Variants in SYNJ2 observed in about 807,000 individuals in gnomAD.
SYNJ2 encodes the protein polyphosphatidylinositol phosphatase SYNJ2.
Under a neutral mutation model 141.3 loss-of-function variants are expected in SYNJ2, and 116 were observed. The ratio of observed to expected loss-of-function variants is 0.82; its 90% CI spans 0.71 to 0.96. SYNJ2 has a LOEUF of 0.96. SYNJ2 is among the 40% of genes least tolerant of loss of function. The probability of loss-of-function intolerance (pLI) is 0.00; values close to 1 mark genes in which losing one functional copy is unlikely to be tolerated. For synonymous variants in SYNJ2, 745 were observed against 777.7 expected, an observed-to-expected ratio of 0.96 and a Z score of 0.70; for missense variants, 1,873 against 1,934.8, an observed-to-expected ratio of 0.97 and a Z score of 0.60.
At chr6:158,013,678 C>G (rs1247059967) in intron 1 of SYNJ2, among the ~76,000 whole-genome samples, 1 of 152,202 alleles carries the variant, frequency 6.6e-6, no homozygotes. Context: ...TAGACACCAG[C>G]AGAGTGGCAA....
In SYNJ2 at chr6:158,040,910, C is replaced by T. The variant is rs112643225; in HGVS notation, c.712-2406C>T. 2.5e-3 allele frequency among the ~76,000 whole-genome samples: 375 copies of T among 152,310 alleles called. 2 individuals are homozygous for T. Among genetic ancestry groups the T allele is most frequent in the African/African-American group, 8.7e-3 (360 of 41,568 alleles). On this transcript the variant is annotated intron_variant, in intron 4 of 26. Coordinates refer to ENST00000355585, the MANE Select transcript of SYNJ2 (RefSeq NM_003898.4). The surrounding 1 kb of genome is among the most constrained non-coding windows in gnomAD (Gnocchi z 4.2). ...GTGGCCCCACTGCTCTTCCCGGTCT[C>T]CCTCCCACCTCTTGTCTGTTCCTTC...
At chr6:158,017,787 G>A in intron 2 of SYNJ2, 1 of 532,236 alleles carries the variant, frequency 1.9e-6, no homozygotes, top group South Asian at 1.4e-5. Flanking sequence ...TGCAGGTGGG[G>A]AGGTCAAGGT....
chr6:157,993,897 C>T (rs1234417175), intron 1 of SYNJ2, among the ~76,000 whole-genome samples: 4 of 144,556 alleles, frequency 2.8e-5, no homozygotes, highest in Non-Finnish European at 6.0e-5. Context: ...TCACTGCAAG[C>T]TCCGCCTCCC....
rs1212772620 is a variant in SYNJ2 at position 158,064,596 on chromosome 6, C to G, written c.1210-5C>G. On this transcript the variant is annotated splice_polypyrimidine_tract_variant and splice_region_variant and intron_variant, in intron 9 of 26. Transcript: ENST00000355585. The stretch of plus-strand genomic sequence containing the variant: ...CAGTGACAGCCATCCCTTATTCCTC[C>G]CCAGGTCCTGCATCTGCAGCTCAAG... 2.5e-6 allele frequency: 4 copies of G among 1,613,370 alleles called. No homozygotes were observed. In the Admixed American group the frequency reaches 6.7e-5, roughly 27 times the overall value.
intron 21 of SYNJ2, 88 bp from the exon 22 acceptor site, chr6:158,083,913 C>G: frequency 6.8e-7 from 1 of 1,472,986 alleles, no homozygotes; most frequent in Non-Finnish European, 9.5e-7. Flanking sequence ...CGTGTCCTGA[C>G]AGGAGCTGAA....
At chr6:158,020,375 T>A (rs1778701920) in intron 2 of SYNJ2, among the ~76,000 whole-genome samples, 1 of 151,184 alleles carries the variant, frequency 6.6e-6, no homozygotes, top group Non-Finnish European at 1.5e-5. Flanking sequence ...TCCACCTGTA[T>A]GACTCCAACT....
intron 4 of SYNJ2, among the ~76,000 whole-genome samples, chr6:158,037,068 G>A (rs747370849): frequency 3.3e-5 from 5 of 152,076 alleles, no homozygotes; most frequent in African/African-American, 4.8e-5. Flanking sequence ...ATTCTAACAC[G>A]GAAAATGAAA....
chr6:158,079,471 T>C (rs2986005), intron 18 of SYNJ2: 82,614 of 150,402 alleles, frequency 0.55, 23,201 homozygotes, highest in African/African-American at 0.68. Context: ...CCCCAGGGTA[T>C]AAGTGATTTT....
chr6:157,999,326 G>A (rs1304662874), intron 1 of SYNJ2, among the ~76,000 whole-genome samples: 1 of 152,246 alleles, frequency 6.6e-6, no homozygotes, highest in Non-Finnish European at 1.5e-5. Flanking sequence ...TCAGGCCCCA[G>A]GTGGCAGGCA....
intron 1 of SYNJ2, among the ~76,000 whole-genome samples, chr6:157,991,204 A>G (rs1444105691): frequency 6.6e-6 from 1 of 152,146 alleles, no homozygotes; most frequent in Non-Finnish European, 1.5e-5. Flanking sequence ...GAAAGTGGTG[A>G]GTGCGTTGTG....
At chr6:158,024,565 A>C (rs1778937809) in intron 2 of SYNJ2, among the ~76,000 whole-genome samples, 1 of 152,180 alleles carries the variant, frequency 6.6e-6, no homozygotes, top group African/African-American at 2.4e-5. Context: ...CAGCCAAAAA[A>C]AATTATTTGG....
At chr6:158,087,964 T>C (rs945654449) in intron 23 of SYNJ2, among the ~76,000 whole-genome samples, 8 of 150,432 alleles carry the variant, frequency 5.3e-5, no homozygotes, top group East Asian at 1.9e-4. Context: ...TTCTGTGTCA[T>C]TGAATGTTCT....
intron 20 of SYNJ2, among the ~76,000 whole-genome samples, chr6:158,081,877 C>T (rs1454707837): frequency 6.6e-6 from 1 of 152,040 alleles, no homozygotes; most frequent in Non-Finnish European, 1.5e-5. Flanking sequence ...TAACCTCAGC[C>T]TCCTGGGCTC....
At chr6:158,066,393 G>C (rs1781566734) in intron 11 of SYNJ2, 51 bp from the exon 12 acceptor site, 1 of 1,603,376 alleles carries the variant, frequency 6.2e-7, no homozygotes, top group Admixed American at 1.7e-5. Flanking sequence ...TTTGGAGGAT[G>C]CCTGAGCTTT....
chr6:158,085,878 G>T (rs769433604), intron 22 of SYNJ2, among the ~76,000 whole-genome samples: 1 of 152,028 alleles, frequency 6.6e-6, no homozygotes, highest in Non-Finnish European at 1.5e-5. Flanking sequence ...CCTGCCAGGG[G>T]CTTCTGCCCG....
intron 18 of SYNJ2, among the ~76,000 whole-genome samples, chr6:158,080,806 G>C (rs1337021658): frequency 6.6e-6 from 1 of 152,172 alleles, no homozygotes; most frequent in Non-Finnish European, 1.5e-5. Context: ...ACATCTTTAA[G>C]GTGCCACACT....
At chr6:158,046,899 C>A (rs6928826) in intron 5 of SYNJ2, among the ~76,000 whole-genome samples, 4 of 151,568 alleles carry the variant, frequency 2.6e-5, no homozygotes, top group East Asian at 3.9e-4. Context: ...CTTCCCCCCA[C>A]CATATGCTGT....
chr6:157,983,834 T>A (rs550208908), intron 1 of SYNJ2, among the ~76,000 whole-genome samples: 2 of 145,814 alleles, frequency 1.4e-5, no homozygotes, highest in East Asian at 3.9e-4. Context: ...AAAAAAAATT[T>A]TTTTTTTTTT....
At chr6:158,082,838 G>A (rs1225201512) in intron 20 of SYNJ2, among the ~76,000 whole-genome samples, 1 of 152,212 alleles carries the variant, frequency 6.6e-6, no homozygotes, top group Admixed American at 6.5e-5. Context: ...TTTCTCTTTA[G>A]AGTATGTATT....
Sources: allele counts gnomAD v4.1 joint callset (sites outside exome capture counted in the v4.1 genomes callset), GRCh38; gene constraint gnomAD v4.1.1; non-coding constraint Gnocchi (gnomAD v3.1); transcripts MANE v1.5; gene names NCBI Gene and HGNC (gene_info 2026-07-23, HGNC 2026-07-21).